Variants in OR1J2 observed in about 807,000 individuals in gnomAD.
OR1J2 encodes the protein olfactory receptor family 1 subfamily J member 2.
For synonymous variants in OR1J2, 142 were observed against 99.7 expected, an observed-to-expected ratio of 1.42 and a Z score of -2.52; for missense variants, 304 against 246.1, an observed-to-expected ratio of 1.24 and a Z score of -1.57.
the OR1J2 span, among the ~76,000 whole-genome samples, chr9:122,463,773 G>A: frequency 6.6e-6 from 1 of 152,136 alleles, no homozygotes; most frequent in African/African-American, 2.4e-5. Context: ...CCTGTGATGT[G>A]ATCCCTCTTC....
chr9:122,495,695 G>T, the OR1J2 span, among the ~76,000 whole-genome samples: 1 of 152,068 alleles, frequency 6.6e-6, no homozygotes, highest in African/African-American at 2.4e-5. Context: ...GCAATTCAGA[G>T]ATTTCATCTT....
the OR1J2 span, among the ~76,000 whole-genome samples, chr9:122,538,566 T>C: frequency 6.6e-6 from 1 of 152,332 alleles, no homozygotes; most frequent in African/African-American, 2.4e-5. Context: ...TAAGATCATG[T>C]CATCAGTGAA....
At chr9:122,475,476 C>T in the OR1J2 span, among the ~76,000 whole-genome samples, 6 of 152,158 alleles carry the variant, frequency 3.9e-5, no homozygotes, top group Non-Finnish European at 8.8e-5. Flanking sequence ...AGGAGAAAAA[C>T]AACCCTCTCC....
the OR1J2 span, among the ~76,000 whole-genome samples, chr9:122,555,874 A>T: frequency 6.6e-6 from 1 of 152,200 alleles, no homozygotes; most frequent in African/African-American, 2.4e-5. Flanking sequence ...CTCCACTGAC[A>T]CATCATCACC....
At chr9:122,523,761 G>C in the OR1J2 span, among the ~76,000 whole-genome samples, 1 of 152,170 alleles carries the variant, frequency 6.6e-6, no homozygotes, top group Non-Finnish European at 1.5e-5. Flanking sequence ...TCTTAAGGAA[G>C]TGAGGAAACA....
At chr9:122,535,100 GAGAAA>G in the OR1J2 span, among the ~76,000 whole-genome samples, 1 of 150,962 alleles carries the variant, frequency 6.6e-6, no homozygotes, top group Non-Finnish European at 1.5e-5. Flanking sequence ...GGCAAGCCTA[GAGAAA>G]AGAGAGAGTA....
the OR1J2 span, among the ~76,000 whole-genome samples, chr9:122,490,823 A>C: frequency 6.6e-6 from 1 of 152,218 alleles, no homozygotes; most frequent in Non-Finnish European, 1.5e-5. Context: ...AAGGAAAGAA[A>C]GAGCCATGGA....
the OR1J2 span, among the ~76,000 whole-genome samples, chr9:122,548,884 A>G: frequency 6.6e-6 from 1 of 151,614 alleles, no homozygotes; most frequent in Non-Finnish European, 1.5e-5. Flanking sequence ...TGTCAGATGC[A>G]TAGTTGGCAA....
the OR1J2 span, chr9:122,567,700 A>G: frequency 6.2e-7 from 1 of 1,614,118 alleles, no homozygotes; most frequent in Non-Finnish European, 8.5e-7. Context: ...GGCTGTAAAT[A>G]GACACAGAAG....
the OR1J2 span, among the ~76,000 whole-genome samples, chr9:122,494,208 G>A: frequency 9.2e-5 from 14 of 151,952 alleles, no homozygotes; most frequent in African/African-American, 1.7e-4. Flanking sequence ...TTTGTTTTGC[G>A]GTATAGTTTA....
chr9:122,541,683 T>C, the OR1J2 span, among the ~76,000 whole-genome samples: 1 of 152,176 alleles, frequency 6.6e-6, no homozygotes, highest in Non-Finnish European at 1.5e-5. Flanking sequence ...AGAATTTTCT[T>C]GGAGTTTGGC....
At chr9:122,489,832 G>A in the OR1J2 span, among the ~76,000 whole-genome samples, 10 of 152,264 alleles carry the variant, frequency 6.6e-5, no homozygotes, top group Middle Eastern at 3.4e-3. Flanking sequence ...CATGGGGAAG[G>A]CACAGTTGAT....
chr9:122,499,199 A>G, the OR1J2 span, among the ~76,000 whole-genome samples: 1 of 152,196 alleles, frequency 6.6e-6, no homozygotes, highest in Non-Finnish European at 1.5e-5. Context: ...GTAAGAACCA[A>G]TGCCAATGGA....
the OR1J2 span, among the ~76,000 whole-genome samples, chr9:122,482,221 G>T: frequency 6.6e-6 from 1 of 152,108 alleles, no homozygotes; most frequent in East Asian, 1.9e-4. Context: ...ACCTGAATAC[G>T]TATTTCTCAA....
the OR1J2 span, among the ~76,000 whole-genome samples, chr9:122,461,599 G>A: frequency 6.6e-6 from 1 of 152,088 alleles, no homozygotes; most frequent in African/African-American, 2.4e-5. Flanking sequence ...GTTTCCCTGA[G>A]GGTTTGATAG....
chr9:122,497,970 C>T, the OR1J2 span, among the ~76,000 whole-genome samples: 2 of 151,888 alleles, frequency 1.3e-5, no homozygotes, highest in African/African-American at 4.8e-5. Context: ...ATTTAACTCT[C>T]ATGTAATTGT....
At chr9:122,455,602 C>T in the OR1J2 span, among the ~76,000 whole-genome samples, 3 of 152,040 alleles carry the variant, frequency 2.0e-5, no homozygotes, top group East Asian at 1.9e-4. Context: ...GATAAGATAT[C>T]GATATCCTTA....
chr9:122,454,472 C>T, the OR1J2 span, among the ~76,000 whole-genome samples: 1 of 152,004 alleles, frequency 6.6e-6, no homozygotes, highest in East Asian at 1.9e-4. Context: ...GAGCTGAGAT[C>T]ATGCCACTGC....
the OR1J2 span, among the ~76,000 whole-genome samples, chr9:122,457,460 G>A: frequency 6.6e-6 from 1 of 151,936 alleles, no homozygotes; most frequent in African/African-American, 2.4e-5. Context: ...GGAAATGGAG[G>A]AGAATTTGAT....
Sources: allele counts gnomAD v4.1 joint callset (sites outside exome capture counted in the v4.1 genomes callset), GRCh38; gene constraint gnomAD v4.1.1; transcripts MANE v1.5; gene names NCBI Gene and HGNC (gene_info 2026-07-23, HGNC 2026-07-21).